GSAP: variants seen among roughly 807,000 people sequenced by gnomAD.
The protein encoded by GSAP is gamma-secretase activating protein.
In GSAP, 118 loss-of-function variants were observed where a neutral mutation model predicts 131.7. That is an observed-to-expected ratio of 0.90 (90% CI 0.77 to 1.04). The LOEUF is 1.04. Ranked by LOEUF, GSAP falls within the 50% of genes least tolerant of loss-of-function variation. The probability of loss-of-function intolerance (pLI) is 0.00; values close to 1 mark genes in which losing one functional copy is unlikely to be tolerated. For missense variants in GSAP, 1,019 were observed against 1,013.2 expected (o/e 1.01, Z -0.08); for synonymous variants, 381 against 363.4 (o/e 1.05, Z -0.55).
chr7:77,329,286 TA>T, intron 21 of GSAP, 46 bp downstream of exon 21: 1 of 1,057,642 alleles, frequency 9.5e-7, no homozygotes, highest in Non-Finnish European at 1.4e-6. Context: ...AAAGTAATTG[TA>T]AATGTCAACC....
At chr7:77,411,899 C>T (rs1287331609) in intron 1 of GSAP, among the ~76,000 whole-genome samples, 3 of 152,204 alleles carry the variant, frequency 2.0e-5, no homozygotes, top group Admixed American at 1.3e-4. Flanking sequence ...GTTGTCATGG[C>T]CGGGCATGGT....
chr7:77,335,977 AAACT>A (rs1789918865), intron 19 of GSAP, among the ~76,000 whole-genome samples: 1 of 152,218 alleles, frequency 6.6e-6, no homozygotes, highest in Non-Finnish European at 1.5e-5. Context: ...GGAAGGCACT[AAACT>A]AAGATGCTCT....
At chr7:77,355,497 T>C (rs1167676436) in intron 15 of GSAP, 58 bp downstream of exon 15, 10 of 1,515,818 alleles carry the variant, frequency 6.6e-6, no homozygotes, top group Non-Finnish European at 3.6e-6. Flanking sequence ...AACATAGATA[T>C]TAAAGTCAAA....
intron 22 of GSAP, 136 bp downstream of exon 22, chr7:77,328,470 C>T (rs1788632320): frequency 2.8e-6 from 4 of 1,418,890 alleles, no homozygotes; most frequent in Non-Finnish European, 2.8e-6. Context: ...ACTCTAACAG[C>T]AAGATATTAA....
chr7:77,378,572 A>G (rs950189408), intron 8 of GSAP, among the ~76,000 whole-genome samples: 8 of 152,176 alleles, frequency 5.3e-5, no homozygotes, highest in African/African-American at 1.9e-4. Context: ...GTAAATTTGA[A>G]ATATTTGTTT....
At chr7:77,395,755 T>C (rs1255086567) in intron 5 of GSAP, among the ~76,000 whole-genome samples, 2 of 152,128 alleles carry the variant, frequency 1.3e-5, no homozygotes, top group African/African-American at 4.8e-5. Context: ...ACAAGCCTCA[T>C]GTGGAAAGTA....
At chr7:77,330,163 T>A in intron 20 of GSAP, 76 bp downstream of exon 20, 2 of 1,490,560 alleles carry the variant, frequency 1.3e-6, no homozygotes, top group Non-Finnish European at 1.8e-6. Context: ...AAGCCAGCCT[T>A]ATGATTTAAA....
rs1787952392 is a variant in GSAP at position 77,323,686 on chromosome 7, C to A, written c.1884G>T (p.Lys628Asn). ...FLRHLQGVEK[K>N]KIEQMVLDYI... The stretch of plus-strand genomic sequence containing the variant: ...AGTCCAGAACCATCTGTTCAATTTT[C>A]TTCTTTTCTACACCCTGTAGGTGTC... Residue 628 changes from lysine (K) to asparagine (N), a missense_variant, in exon 24 of 31, where the codon AAG becomes AAT. By Grantham distance (94) the Lys-to-Asn change is moderately conservative (BLOSUM62 0). Transcript: ENST00000257626. 1 of 1,608,912 alleles carries A rather than the reference C, an allele frequency of 6.2e-7. No homozygotes were observed. The highest frequency in any genetic ancestry group is 1.3e-5 in the African/African-American group (1 of 74,704).
At chr7:77,321,557 G>A (rs1787648354) in intron 24 of GSAP, among the ~76,000 whole-genome samples, 154 bp from the exon 25 acceptor site, 1 of 152,158 alleles carries the variant, frequency 6.6e-6, no homozygotes, top group Non-Finnish European at 1.5e-5. Flanking sequence ...CAATTCTGAA[G>A]CACTGAACCC....
At chr7:77,318,978 A>C (rs972289889) in intron 26 of GSAP, among the ~76,000 whole-genome samples, 1 of 151,826 alleles carries the variant, frequency 6.6e-6, no homozygotes, top group African/African-American at 2.4e-5. Flanking sequence ...TGATGAGTTA[A>C]TGGATGCAGC....
At chr7:77,321,890 T>C (rs1399435041) in intron 24 of GSAP, among the ~76,000 whole-genome samples, 1 of 152,210 alleles carries the variant, frequency 6.6e-6, no homozygotes, top group Non-Finnish European at 1.5e-5. Flanking sequence ...CCTCTCCAAA[T>C]TGCAGTGTCC....
intron 5 of GSAP, among the ~76,000 whole-genome samples, chr7:77,390,955 A>T (rs1318951994): frequency 0.034 from 3,604 of 104,812 alleles, 195 homozygotes; most frequent in Non-Finnish European, 0.053. Context: ...CTAAAAAAAA[A>T]AAAAAAAAAA....
intron 26 of GSAP, chr7:77,315,477 T>C (rs1484539354): frequency 6.6e-6 from 1 of 152,226 alleles, no homozygotes; most frequent in Non-Finnish European, 1.5e-5. Flanking sequence ...TTTCAACCTG[T>C]GTCCTGGCTC....
chr7:77,380,581 T>G (rs1462705123), intron 8 of GSAP, among the ~76,000 whole-genome samples: 4 of 152,266 alleles, frequency 2.6e-5, no homozygotes, highest in Non-Finnish European at 5.9e-5. Flanking sequence ...TACTTGTAGG[T>G]AATGCCACAA....
intron 19 of GSAP, among the ~76,000 whole-genome samples, chr7:77,340,605 G>GAGACAA (rs1790764919): frequency 6.6e-6 from 1 of 152,122 alleles, no homozygotes; most frequent in African/African-American, 2.4e-5. Context: ...CTCTCTAGTA[G>GAGACAA]AGACAAAGAA....
chr7:77,326,313 T>C (rs1257264724), intron 22 of GSAP, 40 bp from the exon 23 acceptor site: 4 of 1,379,216 alleles, frequency 2.9e-6, no homozygotes, highest in Non-Finnish European at 3.1e-6. Flanking sequence ...CTGAGCAGTT[T>C]TCAGGAGATG....
chr7:77,399,653 G>A (rs1800994014), intron 3 of GSAP, among the ~76,000 whole-genome samples: 1 of 149,558 alleles, frequency 6.7e-6, no homozygotes. Flanking sequence ...GTAATACACT[G>A]CTTCCCATTT....
intron 3 of GSAP, among the ~76,000 whole-genome samples, chr7:77,400,765 A>G (rs1026581628): frequency 1.3e-5 from 2 of 152,196 alleles, no homozygotes; most frequent in African/African-American, 4.8e-5. Flanking sequence ...AGGCACAAAC[A>G]CTGAGATAAC....
Position 77,406,041 on chromosome 7 carries a change from A to C in GSAP, c.174T>G (p.Ile58Met). ...VLNVERNGNI[I>M]YTYKDDKGNV... ...AATATAGACATACCTTATAGGTATAAATAATATTTCCATTTCTTTCAACAT... is the reference window on the plus strand; with the variant it reads ...AATATAGACATACCTTATAGGTATACATAATATTTCCATTTCTTTCAACAT... The change falls in exon 2 of 31, where the codon ATT becomes ATG. Residue 58 changes from isoleucine (I) to methionine (M), a missense_variant. By Grantham distance (10) the Ile-to-Met change is conservative. Coordinates refer to ENST00000257626, the MANE Select transcript of GSAP (RefSeq NM_017439.4). 1 of 1,003,482 alleles carries C rather than the reference A, an allele frequency of 1.0e-6. No homozygotes were observed. Among genetic ancestry groups the C allele is most frequent in the Non-Finnish European group, 1.4e-6 (1 of 726,320 alleles). The allele number at this position is 1,003,482 out of a possible 1,614,324, so 62.2% of individuals were successfully genotyped here.
Sources: allele counts gnomAD v4.1 joint callset (sites outside exome capture counted in the v4.1 genomes callset), GRCh38; gene constraint gnomAD v4.1.1; transcripts MANE v1.5; gene names NCBI Gene and HGNC (gene_info 2026-07-23, HGNC 2026-07-21).